Variants in FGGY observed in about 807,000 individuals in gnomAD.
The protein encoded by FGGY is FGGY carbohydrate kinase domain containing, also known as FGGY carbohydrate kinase domain-containing protein.
FGGY carries 72 observed loss-of-function variants against 71.3 expected under a neutral mutation model. The observed-to-expected ratio is 1.01, with a 90% CI of 0.84 to 1.23. The LOEUF (loss-of-function observed/expected upper bound fraction) is 1.23, where lower values mean the gene tolerates loss of function less well. Ranked by LOEUF, FGGY falls within the 50% of genes most tolerant of loss-of-function variation. The probability of loss-of-function intolerance (pLI) is 0.00; values close to 1 mark genes in which losing one functional copy is unlikely to be tolerated. For synonymous variants in FGGY, 251 were observed against 250.3 expected, an observed-to-expected ratio of 1.00 and a Z score of -0.02; for missense variants, 668 against 682.3, an observed-to-expected ratio of 0.98 and a Z score of 0.23.
intron 5 of FGGY, among the ~76,000 whole-genome samples, chr1:59,456,566 A>G (rs1343863428): frequency 6.6e-6 from 1 of 150,750 alleles, no homozygotes; most frequent in Non-Finnish European, 1.5e-5. Flanking sequence ...CTTCTGCCTC[A>G]GCCTCCCGAG....
intron 2 of FGGY, among the ~76,000 whole-genome samples, chr1:59,332,632 G>A (rs1268362643): frequency 6.6e-6 from 1 of 152,186 alleles, no homozygotes; most frequent in African/African-American, 2.4e-5. Flanking sequence ...CTTGTGAGAG[G>A]TCTCTGTTTG....
chr1:59,319,190 C>G (rs1430050856), intron 1 of FGGY, among the ~76,000 whole-genome samples: 1 of 152,136 alleles, frequency 6.6e-6, no homozygotes, highest in Non-Finnish European at 1.5e-5. Flanking sequence ...GTAAGGTTCT[C>G]ACTGGTTTTA....
chr1:59,419,641 A>C (rs2065068164), intron 5 of FGGY, among the ~76,000 whole-genome samples: 1 of 152,168 alleles, frequency 6.6e-6, no homozygotes, highest in South Asian at 2.1e-4. Flanking sequence ...GGGGTAGTGA[A>C]CTTATTCTCC....
Position 59,517,405 on chromosome 1 carries a change from A to G in FGGY, c.799+4966A>G, listed in dbSNP as rs1046384447. ...CTCAGCCTCCCAAGTAGCTGGGACTACAGGCGCCCGCCACTATGCCCGGCT... is the reference window on the plus strand; with the variant it reads ...CTCAGCCTCCCAAGTAGCTGGGACTGCAGGCGCCCGCCACTATGCCCGGCT... On this transcript the variant is annotated intron_variant, in intron 7 of 15. Transcript: ENST00000303721. Among the ~76,000 whole-genome samples, 4 of 150,572 alleles carry G rather than the reference A, an allele frequency of 2.7e-5. No homozygotes were observed. The East Asian group carries it at 7.8e-4, about 29-fold the overall frequency.
chr1:59,482,023 A>G lies in FGGY; in HGVS notation c.670+24947A>G, dbSNP rs184277417. Among the ~76,000 whole-genome samples, 36 of 152,316 alleles carry G rather than the reference A, an allele frequency of 2.4e-4. No individual in the cohort carries two copies. The East Asian group carries it at 5.8e-3, about 24-fold the overall frequency. On this transcript the variant is annotated intron_variant, in intron 6 of 15. Transcript: ENST00000303721. ...AACTACTTTTTGACCAGTGTGACTG[A>G]TTTATTTCCCCATGCCATCATCAAC...
At chr1:59,409,594 TTTTTTATATATATATA>T (rs149700541) in intron 5 of FGGY, among the ~76,000 whole-genome samples, 25,620 of 132,098 alleles carry the variant, frequency 0.19, 2,800 homozygotes, top group East Asian at 0.37. Context: ...GAAGGAAGAG[TTTTTTATATATATATA>T]TATATATATA....
At chr1:59,711,608 G>A (rs908532514) in intron 14 of FGGY, among the ~76,000 whole-genome samples, 1 of 152,168 alleles carries the variant, frequency 6.6e-6, no homozygotes, top group Non-Finnish European at 1.5e-5. Flanking sequence ...AAAGAAAGAG[G>A]TTCCATGTGG....
Position 59,728,816 on chromosome 1 carries a change from C to A in FGGY, c.1513-29115C>A, listed in dbSNP as rs188284977. ...CCCCTTTGGCTTCTTTCAAAATTCCCTCTTTGTCTTTGGTTTTAATTTTGA... is the reference window on the plus strand; with the variant it reads ...CCCCTTTGGCTTCTTTCAAAATTCCATCTTTGTCTTTGGTTTTAATTTTGA... On this transcript the variant is annotated intron_variant, in intron 14 of 15. Coordinates refer to ENST00000303721, the MANE Select transcript of FGGY (RefSeq NM_018291.5). Among the ~76,000 whole-genome samples the A allele has an allele frequency of 9.2e-5, 14 of 152,040 alleles. No homozygotes were observed. In the East Asian group the frequency reaches 2.7e-3, roughly 29 times the overall value.
At chr1:59,430,558 C>T (rs911110713) in intron 5 of FGGY, among the ~76,000 whole-genome samples, 1 of 152,104 alleles carries the variant, frequency 6.6e-6, no homozygotes, top group Non-Finnish European at 1.5e-5. Context: ...AATTTTTTCT[C>T]ATAAGGGCCC....
At chr1:59,651,202 C>T (rs183171777) in intron 11 of FGGY, among the ~76,000 whole-genome samples, 93 of 151,962 alleles carry the variant, frequency 6.1e-4, no homozygotes, top group African/African-American at 1.3e-3. Context: ...AGGTGTGGTG[C>T]GGTGCTGAAA....
intron 11 of FGGY, among the ~76,000 whole-genome samples, chr1:59,653,361 G>A (rs1056083294): frequency 1.3e-4 from 20 of 152,250 alleles, no homozygotes; most frequent in Admixed American, 7.8e-4. Context: ...CCTTGCTGCC[G>A]CCTTGCAGTT....
At chr1:59,592,165 C>CA (rs1191414578) in intron 8 of FGGY, among the ~76,000 whole-genome samples, 8 of 151,438 alleles carry the variant, frequency 5.3e-5, no homozygotes, top group African/African-American at 1.5e-4. Flanking sequence ...ATTTATGCAG[C>CA]AAAAAAACAC....
chr1:59,404,651 A>G (rs2062471672), intron 5 of FGGY, among the ~76,000 whole-genome samples: 1 of 152,126 alleles, frequency 6.6e-6, no homozygotes. Flanking sequence ...GAAGTGTTGA[A>G]CTAATTCAAG....
intron 8 of FGGY, among the ~76,000 whole-genome samples, chr1:59,576,677 GACACACACACACACAC>G (rs57817494): frequency 2.3e-5 from 3 of 130,056 alleles, no homozygotes; most frequent in Admixed American, 7.9e-5. Context: ...CAGACAGACA[GACACACACACACACAC>G]ACACACACAC....
At chr1:59,675,989 T>G (rs563660886) in intron 14 of FGGY, among the ~76,000 whole-genome samples, 3 of 152,144 alleles carry the variant, frequency 2.0e-5, no homozygotes, top group African/African-American at 7.2e-5. Flanking sequence ...CTCTCTGCCA[T>G]GTGAGGACAC....
intron 9 of FGGY, among the ~76,000 whole-genome samples, chr1:59,625,194 C>T (rs1326672263): frequency 6.6e-6 from 1 of 152,134 alleles, no homozygotes; most frequent in Admixed American, 6.5e-5. Context: ...AGATGAGGTT[C>T]AGGAACTCAA....
chr1:59,428,703 T>A (rs928445869), intron 5 of FGGY, among the ~76,000 whole-genome samples: 1 of 152,214 alleles, frequency 6.6e-6, no homozygotes, highest in African/African-American at 2.4e-5. Context: ...GCCCCAGATG[T>A]CAGTAGCACT....
intron 9 of FGGY, among the ~76,000 whole-genome samples, chr1:59,613,608 A>G (rs1036436094): frequency 4.6e-5 from 7 of 152,202 alleles, no homozygotes; most frequent in African/African-American, 7.2e-5. Context: ...AAAAGCAAAC[A>G]CATTCAAAAG....
chr1:59,683,621 C>G (rs557880267), intron 14 of FGGY, among the ~76,000 whole-genome samples: 2 of 152,114 alleles, frequency 1.3e-5, no homozygotes, highest in Admixed American at 1.3e-4. Flanking sequence ...CTTTTTAAAC[C>G]TGGGAGGTCA....
Sources: allele counts gnomAD v4.1 joint callset (sites outside exome capture counted in the v4.1 genomes callset), GRCh38; gene constraint gnomAD v4.1.1; transcripts MANE v1.5; gene names NCBI Gene and HGNC (gene_info 2026-07-23, HGNC 2026-07-21).